ENTPD1: variants seen among roughly 807,000 people sequenced by gnomAD.
ENTPD1 encodes the protein ectonucleoside triphosphate diphosphohydrolase 1.
A neutral mutation model predicts 57.0 loss-of-function variants in ENTPD1; 33 were observed. The ratio of observed to expected loss-of-function variants is 0.58; its 90% confidence interval spans 0.44 to 0.77. ENTPD1 has a LOEUF of 0.77. Ranked by LOEUF, ENTPD1 falls within the 30% of genes least tolerant of loss-of-function variation. The pLI, the probability that ENTPD1 is intolerant of heterozygous loss-of-function variation, is 0.00. For missense variants in ENTPD1, 501 were observed against 603.4 expected (o/e 0.83, Z 1.78); for synonymous variants, 202 against 218.8 (o/e 0.92, Z 0.68).
intron 1 of ENTPD1, among the ~76,000 whole-genome samples, chr10:95,742,838 A>G (rs1433487469): frequency 1.3e-5 from 2 of 152,198 alleles, no homozygotes; most frequent in Non-Finnish European, 2.9e-5. Context: ...TACACTGTTA[A>G]CATATTTTTT....
At chr10:95,695,244 C>G in the ENTPD1 span, among the ~76,000 whole-genome samples, 1 of 152,084 alleles carries the variant, frequency 6.6e-6, no homozygotes, top group Non-Finnish European at 1.5e-5. Context: ...TCAAAGTTAA[C>G]CACAGACGTG....
rs1280709295 is a variant in ENTPD1, at chr10:95,876,256, AAC to A, written c.*9877_*9878del. 1 of 978,728 alleles carries A rather than the reference AAC, an allele frequency of 1.0e-6. No individual in the cohort carries two copies. The allele number at this position is 978,728 out of a possible 1,614,324, so 60.6% of individuals were successfully genotyped here. On this transcript the variant is annotated 3_prime_UTR_variant, in exon 10 of 10. Transcript: ENST00000371205. Reference sequence around the variant, plus strand: ...TAATGTAGATTGCTAATTTTATAATAACACAAGTTGATTTTGACATCCAACTT... The same window carrying A: ...TAATGTAGATTGCTAATTTTATAATAACAAGTTGATTTTGACATCCAACTT...
intron 1 of ENTPD1, among the ~76,000 whole-genome samples, chr10:95,742,365 CT>C (rs2098001246): frequency 6.6e-6 from 1 of 151,790 alleles, no homozygotes; most frequent in Non-Finnish European, 1.5e-5. Context: ...CTTTTCCTTC[CT>C]TTTGTTATTT....
intron 1 of ENTPD1, among the ~76,000 whole-genome samples, chr10:95,720,968 T>A (rs1218321353): frequency 6.6e-6 from 1 of 152,150 alleles, no homozygotes; most frequent in Non-Finnish European, 1.5e-5. Context: ...ATCTCTATTA[T>A]AAAAAACCGA....
In ENTPD1 at chr10:95,806,667, G is replaced by T. The variant is rs570624654; in HGVS notation, c.17-16570G>T. Among the ~76,000 whole-genome samples the T allele has an allele frequency of 9.9e-4, 150 of 152,186 alleles. 1 individual carries two copies. The highest frequency in any genetic ancestry group is 1.0e-3 in the Non-Finnish European group (69 of 68,020). ...TTGATATTGGTGACCTACAGATGGG[G>T]TTCTGGTGTAGGTGTCCTTTTTGTT... is the stretch of plus-strand genomic sequence containing the variant. On this transcript the variant is annotated intron_variant, in intron 1 of 9. Coordinates refer to ENST00000371205, the MANE Select transcript of ENTPD1 (RefSeq NM_001776.6).
intron 2 of ENTPD1, among the ~76,000 whole-genome samples, chr10:95,837,001 G>C (rs1451724505): frequency 6.6e-6 from 1 of 152,192 alleles, no homozygotes; most frequent in Non-Finnish European, 1.5e-5. Context: ...GCATGCTAGT[G>C]TACTGTGTAC....
intron 1 of ENTPD1, among the ~76,000 whole-genome samples, chr10:95,724,066 G>A (rs2097980833): frequency 6.6e-6 from 1 of 150,658 alleles, no homozygotes; most frequent in African/African-American, 2.5e-5. Flanking sequence ...GGAAGCTGAG[G>A]CAGGAGAATG....
At chr10:95,865,322 A>G (rs1453386894) in intron 9 of ENTPD1, among the ~76,000 whole-genome samples, 2 of 152,168 alleles carry the variant, frequency 1.3e-5, no homozygotes, top group East Asian at 3.8e-4. Flanking sequence ...AGTGGCTGTG[A>G]ATGATGAGAC....
chr10:95,870,661 C>T lies in ENTPD1; in HGVS notation c.*4278C>T. On this transcript the variant is annotated 3_prime_UTR_variant, in exon 10 of 10. Coordinates refer to ENST00000371205, the MANE Select transcript of ENTPD1 (RefSeq NM_001776.6). ...TATGAAAATATATTCCCTTTATTGT[C>T]AGTTTAAAAGATGAACTGAGTTTCA... 2.0e-6 allele frequency: 2 copies of T among 985,422 alleles called. No homozygotes were observed. The highest frequency in any genetic ancestry group is 2.4e-6 in the Non-Finnish European group (2 of 829,902). 61.0% of individuals were successfully genotyped at this position (985,422 alleles called of 1,614,324 possible).
intron 8 of ENTPD1, among the ~76,000 whole-genome samples, chr10:95,861,821 C>T (rs145957597): frequency 0.034 from 5,132 of 151,840 alleles, 115 homozygotes; most frequent in Non-Finnish European, 0.049. Flanking sequence ...GGTGAAACCC[C>T]GTCTCTACTA....
At position 95,869,306 on chromosome 10, in the gene ENTPD1, G is replaced by A. The variant is rs1387001850; in HGVS notation, c.*2923G>A. On this transcript the variant is annotated 3_prime_UTR_variant, in exon 10 of 10. Transcript: ENST00000371205. Reference sequence around the variant, plus strand: ...ACTCCATTGCCCAGGCTGGAGTGCAGTGGTGCTATCTCGGCTCACTGCAAC... The same window carrying A: ...ACTCCATTGCCCAGGCTGGAGTGCAATGGTGCTATCTCGGCTCACTGCAAC... 3.2e-6 allele frequency: 3 copies of A among 933,208 alleles called. No individual in the cohort carries two copies. The highest frequency in any genetic ancestry group is 2.5e-6 in the Non-Finnish European group (2 of 793,816). The allele number at this position is 933,208 out of a possible 1,614,324, so 57.8% of individuals were successfully genotyped here. A position where few individuals can be genotyped will look rare whatever the true frequency, so the allele number is the denominator to read the frequency against.
chr10:95,862,322 G>A (rs1452402198), intron 8 of ENTPD1, among the ~76,000 whole-genome samples: 1 of 152,224 alleles, frequency 6.6e-6, no homozygotes, highest in East Asian at 1.9e-4. Context: ...GCATAGTTTT[G>A]TCAAGTACAT....
intron 1 of ENTPD1, among the ~76,000 whole-genome samples, chr10:95,779,579 G>A (rs552108998): frequency 6.6e-6 from 1 of 152,118 alleles, no homozygotes; most frequent in African/African-American, 2.4e-5. Flanking sequence ...TACTTTTGAT[G>A]TTTCTCACAA....
At chr10:95,708,723 A>G (rs1419563985), upstream of ENTPD1, among the ~76,000 whole-genome samples, 1 of 152,250 alleles carries the variant, frequency 6.6e-6, no homozygotes, top group African/African-American at 2.4e-5. Context: ...AGACAAATAC[A>G]TGAAAAAACC....
rs536971124 is a variant in ENTPD1, at chr10:95,718,852, C to T, written c.37+6859C>T. 6.6e-4 allele frequency among the ~76,000 whole-genome samples: 100 copies of T among 152,296 alleles called. 1 individual carries two copies. The highest frequency in any genetic ancestry group is 1.7e-3 in the Admixed American group (26 of 15,290). On this transcript the variant is annotated intron_variant, in intron 1 of 9. Coordinates refer to the ENTPD1 transcript ENST00000453258. The stretch of plus-strand genomic sequence containing the variant: ...TAAGGGAACCTCTAGAAGGTCCCCT[C>T]GAGTGGCATAGGTTTGAGCAATCAC...
At chr10:95,718,302 G>T (rs1481937700) in intron 1 of ENTPD1, among the ~76,000 whole-genome samples, 1 of 152,106 alleles carries the variant, frequency 6.6e-6, no homozygotes, top group Non-Finnish European at 1.5e-5. Flanking sequence ...GTCTTCTGCT[G>T]AGTACTGGGG....
rs921290892 is a variant in ENTPD1, at chr10:95,870,759, A to G, written c.*4376A>G. ...TGATTCAAATTCCAACTGTTAGAAC[A>G]TGACAGCTGCTCATAACTAGCTTTG... On this transcript the variant is annotated 3_prime_UTR_variant, in exon 10 of 10. Transcript: ENST00000371205. 1 of 985,468 alleles carries G rather than the reference A, an allele frequency of 1.0e-6. No homozygotes were observed. The highest frequency in any genetic ancestry group is 1.2e-6 in the Non-Finnish European group (1 of 829,932). 61.0% of individuals were successfully genotyped at this position (985,468 alleles called of 1,614,324 possible). A position where few individuals can be genotyped will look rare whatever the true frequency, so the allele number is the denominator to read the frequency against.
At chr10:95,761,337 G>C (rs185118448) in intron 1 of ENTPD1, among the ~76,000 whole-genome samples, 74 of 152,252 alleles carry the variant, frequency 4.9e-4, no homozygotes, top group African/African-American at 1.8e-3. Flanking sequence ...TAGAGAACTT[G>C]TTAAAAATGC....
At chr10:95,860,376 C>T (rs2098463320) in intron 7 of ENTPD1, 93 bp from the exon 8 acceptor site, 2 of 1,006,534 alleles carry the variant, frequency 2.0e-6, no homozygotes, top group Middle Eastern at 2.1e-4. Flanking sequence ...GCAGAACTTT[C>T]CAGGCACCTG....
Sources: gnomAD v4.1 joint callset for allele counts (sites outside exome capture counted in the v4.1 genomes callset) on GRCh38, gnomAD v4.1.1 for gene constraint, MANE v1.5 for transcripts, NCBI Gene and HGNC (gene_info 2026-07-23, HGNC 2026-07-21) for gene names.